The following MALRD1 variants were observed in gnomAD, a reference collection of about 807,000 sequenced individuals.
The protein encoded by MALRD1 is MAM and LDL receptor class A domain containing 1, also known as MAM and LDL-receptor class A domain-containing protein 1.
Under a neutral mutation model 242.1 loss-of-function variants are expected in MALRD1, and 247 were observed. That is an observed-to-expected ratio of 1.02 (90% CI 0.92 to 1.13). The LOEUF (loss-of-function observed/expected upper bound fraction) is 1.13, where lower values mean the gene tolerates loss of function less well. MALRD1 is among the 50% of genes most tolerant of loss of function. The pLI, the probability that MALRD1 is intolerant of heterozygous loss-of-function variation, is 0.00. For missense variants in MALRD1, 2,989 were observed against 2,533.1 expected (o/e 1.18, Z -3.86); for synonymous variants, 995 against 866.6 (o/e 1.15, Z -2.60).
chr10:19,244,936 C>G (rs1202415030), intron 18 of MALRD1, among the ~76,000 whole-genome samples: 2 of 152,126 alleles, frequency 1.3e-5, no homozygotes, highest in East Asian at 3.9e-4. Flanking sequence ...GGCCAGTGAA[C>G]TAAGACCATC....
intron 18 of MALRD1, among the ~76,000 whole-genome samples, chr10:19,241,977 A>G (rs1838802982): frequency 6.6e-6 from 1 of 152,142 alleles, no homozygotes; most frequent in Non-Finnish European, 1.5e-5. Context: ...GTCATAATGT[A>G]TGATTGGTCC....
At chr10:19,264,184 C>T (rs1263593379) in intron 19 of MALRD1, among the ~76,000 whole-genome samples, 4 of 152,056 alleles carry the variant, frequency 2.6e-5, no homozygotes, top group South Asian at 2.1e-4. Context: ...CATTTTTTGA[C>T]GTGATCATAA....
chr10:19,063,708 C>G (rs1564368556), intron 1 of MALRD1, among the ~76,000 whole-genome samples: 1 of 150,854 alleles, frequency 6.6e-6, no homozygotes, highest in Non-Finnish European at 1.5e-5. Flanking sequence ...TGGGTTGGTT[C>G]CAAGTGTTCT....
chr10:19,352,598 A>C (rs2130999917), intron 26 of MALRD1, among the ~76,000 whole-genome samples: 1 of 152,268 alleles, frequency 6.6e-6, no homozygotes, highest in South Asian at 2.1e-4. Flanking sequence ...TTCAGAATTT[A>C]ATCCTAAGCA....
In MALRD1 at chr10:19,231,178, C is replaced by T. The variant is rs182742904; in HGVS notation, c.2991+21498C>T. On this transcript the variant is annotated intron_variant, in intron 18 of 39. Transcript: ENST00000454679. Reference sequence around the variant, plus strand: ...CAGTGAAAGGTATTAAAACTCCATACTCCTGCCTCAATTTAGGCCAACTCT... The same window carrying T: ...CAGTGAAAGGTATTAAAACTCCATATTCCTGCCTCAATTTAGGCCAACTCT... Among the ~76,000 whole-genome samples the T allele has an allele frequency of 2.6e-3, 389 of 152,320 alleles. 3 individuals are homozygous for T. Among genetic ancestry groups the T allele is most frequent in the African/African-American group, 9.0e-3 (373 of 41,572 alleles).
chr10:19,305,173 C>T (rs752165673), intron 21 of MALRD1, among the ~76,000 whole-genome samples: 1 of 151,282 alleles, frequency 6.6e-6, no homozygotes, highest in Non-Finnish European at 1.5e-5. Flanking sequence ...GAAAGCAAAT[C>T]GTATCTATTT....
chr10:19,055,196 C>A (rs1434620752), intron 1 of MALRD1, among the ~76,000 whole-genome samples: 1 of 152,040 alleles, frequency 6.6e-6, no homozygotes, highest in Non-Finnish European at 1.5e-5. Flanking sequence ...ATTTGTATGT[C>A]TTCTTTTGAG....
intron 19 of MALRD1, among the ~76,000 whole-genome samples, chr10:19,264,531 G>A (rs531146002): frequency 6.7e-6 from 1 of 148,576 alleles, no homozygotes; most frequent in Non-Finnish European, 1.5e-5. Context: ...CCTGCTCACT[G>A]CAAGCTCCGC....
rs188027341 is a variant in MALRD1 at position 19,122,797 on chromosome 10, C to G, written c.695-695C>G. 7.6e-4 allele frequency among the ~76,000 whole-genome samples: 115 copies of G among 152,218 alleles called. 1 individual carries two copies. The South Asian group carries it at 9.5e-3, about 13-fold the overall frequency. On this transcript the variant is annotated intron_variant, in intron 5 of 39. Transcript: ENST00000454679. The stretch of plus-strand genomic sequence containing the variant: ...GTGGAGTGAAGTGGCGTGATCTTTG[C>G]TCACTGCAACCTCCACCTCCTGAGT...
At position 19,257,682 on chromosome 10, in the gene MALRD1, A is replaced by G. The variant is rs1361791715; in HGVS notation, c.2992-2A>G. 6.6e-7 allele frequency: 1 copy of G among 1,521,340 alleles called. No individual in the cohort carries two copies. Among genetic ancestry groups the G allele is most frequent in the Non-Finnish European group, 8.9e-7 (1 of 1,128,512 alleles). The allele number at this position is 1,521,340 out of a possible 1,614,324, so 94.2% of individuals were successfully genotyped here. A position where few individuals can be genotyped will look rare whatever the true frequency, so the allele number is the denominator to read the frequency against. On this transcript the variant is annotated splice_acceptor_variant, in intron 18 of 39. Coordinates refer to ENST00000454679, the MANE Select transcript of MALRD1 (RefSeq NM_001142308.3). LOFTEE classifies it high-confidence loss of function. ...TTTTTATTTTTTATTTTATTTTTTT[A>G]GATATTGGTGGAGGCTTCAGTGGGA...
intron 31 of MALRD1, among the ~76,000 whole-genome samples, chr10:19,499,185 C>T (rs572927511): frequency 4.7e-4 from 72 of 152,176 alleles, no homozygotes; most frequent in Non-Finnish European, 5.9e-5. Context: ...TCTTTAATGG[C>T]TTTACAGTTA....
intron 24 of MALRD1, among the ~76,000 whole-genome samples, chr10:19,335,274 G>A (rs1467735220): frequency 6.7e-6 from 1 of 149,036 alleles, no homozygotes; most frequent in Non-Finnish European, 1.5e-5. Flanking sequence ...TCCAAATAAT[G>A]CATAGGAAAA....
chr10:19,576,676 T>C (rs1435117750), intron 33 of MALRD1, among the ~76,000 whole-genome samples: 3 of 152,138 alleles, frequency 2.0e-5, no homozygotes, highest in African/African-American at 7.2e-5. Flanking sequence ...CTCAAGTCAT[T>C]ACCCTTATCC....
intron 28 of MALRD1, among the ~76,000 whole-genome samples, chr10:19,417,981 G>GCA (rs148229526): frequency 9.9e-5 from 15 of 150,846 alleles, no homozygotes; most frequent in African/African-American, 2.9e-4. Flanking sequence ...ACATACACAC[G>GCA]CACACACACA....
At chr10:19,490,974 C>A in intron 29 of MALRD1, 1 of 171,080 alleles carries the variant, frequency 5.8e-6, no homozygotes, top group Admixed American at 5.9e-5. Flanking sequence ...GAGTATGAAA[C>A]CTCCACCAGC....
At chr10:19,226,690 G>T (rs2131680578) in intron 18 of MALRD1, among the ~76,000 whole-genome samples, 1 of 151,934 alleles carries the variant, frequency 6.6e-6, no homozygotes, top group African/African-American at 2.4e-5. Flanking sequence ...GAAAAGAAAA[G>T]AAAATAAGAA....
At position 19,352,028 on chromosome 10, in the gene MALRD1, A is replaced by G; in HGVS notation, c.4172A>G (p.Tyr1391Cys). 5 of 1,549,188 alleles carry G rather than the reference A, an allele frequency of 3.2e-6. No individual in the cohort carries two copies. The highest frequency in any genetic ancestry group is 1.7e-4 in the Middle Eastern group (1 of 5,980). ...NCKIIFHYHM[Y>C]GNGIGALTLM... ...CAGATTATTTTTCATTATCACATGT[A>G]TGGAAATGGCATTGGGGCACTCACC... is the stretch of plus-strand genomic sequence containing the variant. The change falls in exon 26 of 40, where the codon TAT (tyrosine) becomes TGT (cysteine). Residue 1391 changes from tyrosine (Y) to cysteine (C), a missense_variant. Physicochemically the swap from Tyr to Cys is radical, Grantham distance 194. Transcript: ENST00000454679.
At position 19,205,220 on chromosome 10, in the gene MALRD1, G is replaced by A; in HGVS notation, c.2533G>A (p.Asp845Asn). ...RACIEKLRLC[D>N]LVDDCGDRTD... ...TTGCATAGAAAAGCTTCGGTTATGT[G>A]ATCTGGTGGATGACTGTGGTGATCG... is the stretch of plus-strand genomic sequence containing the variant. Residue 845 changes from aspartate (D) to asparagine (N), a missense_variant, in exon 17 of 40, where the codon GAT becomes AAT. Physicochemically the swap from Asp to Asn is conservative, Grantham distance 23. Transcript: ENST00000454679. The A allele has an allele frequency of 6.4e-7, 1 of 1,551,050 alleles. No individual in the cohort carries two copies. Among genetic ancestry groups the A allele is most frequent in the East Asian group, 2.4e-5 (1 of 40,922 alleles).
intron 21 of MALRD1, among the ~76,000 whole-genome samples, chr10:19,310,409 A>G (rs1405739212): frequency 6.6e-6 from 1 of 151,550 alleles, no homozygotes; most frequent in Non-Finnish European, 1.5e-5. Context: ...TGTAAAGGCA[A>G]TACAGTATGA....
Sources: gnomAD v4.1 joint callset for allele counts (sites outside exome capture counted in the v4.1 genomes callset) on GRCh38, gnomAD v4.1.1 for gene constraint, MANE v1.5 for transcripts, NCBI Gene and HGNC (gene_info 2026-07-23, HGNC 2026-07-21) for gene names.